RPS6KB1: variants seen among roughly 807,000 people sequenced by gnomAD.
The protein encoded by RPS6KB1 is ribosomal protein S6 kinase B1.
A neutral mutation model predicts 70.2 loss-of-function variants in RPS6KB1; 12 were observed. The ratio of observed to expected loss-of-function variants is 0.17; its 90% CI spans 0.11 to 0.28. The LOEUF is 0.28. Ranked by LOEUF, RPS6KB1 falls within the 10% of genes least tolerant of loss-of-function variation. The pLI, the probability that RPS6KB1 is intolerant of heterozygous loss-of-function variation, is 1.00. For synonymous variants in RPS6KB1, 175 were observed against 211.2 expected, an observed-to-expected ratio of 0.83 and a Z score of 1.49; for missense variants, 270 against 646.6, an observed-to-expected ratio of 0.42 and a Z score of 6.32.
At chr17:59,927,177 G>A (rs920374979) in intron 5 of RPS6KB1, among the ~76,000 whole-genome samples, 2 of 151,982 alleles carry the variant, frequency 1.3e-5, no homozygotes, top group Non-Finnish European at 2.9e-5. Context: ...CTGCCTCCTG[G>A]AGTTCAAGCG....
chr17:59,944,430 A>C (rs747334481), intron 13 of RPS6KB1, among the ~76,000 whole-genome samples: 4 of 152,168 alleles, frequency 2.6e-5, no homozygotes, highest in Non-Finnish European at 4.4e-5. Flanking sequence ...AAAACACCAA[A>C]TTCTAGCTGG....
At chr17:59,903,899 T>A (rs1419254418) in intron 1 of RPS6KB1, among the ~76,000 whole-genome samples, 1 of 151,976 alleles carries the variant, frequency 6.6e-6, no homozygotes, top group Non-Finnish European at 1.5e-5. Context: ...TGTGTCATCT[T>A]TTTCTTTATA....
rs1428952819 is a variant in RPS6KB1, at chr17:59,950,549, C to G, written c.*3761C>G. The G allele has an allele frequency of 1.3e-5, 2 of 151,922 alleles. No homozygotes were observed. Among genetic ancestry groups the G allele is most frequent in the East Asian group, 3.9e-4 (2 of 5,190 alleles). 9.4% of individuals were successfully genotyped at this position (151,922 alleles called of 1,614,324 possible). ...GTGTTCAAGTTGTCATATAAATAAA[C>G]TATGTATGTAAGGAATGGGTTAAAA... On this transcript the variant is annotated 3_prime_UTR_variant, in exon 15 of 15. Transcript: ENST00000225577.
rs148414712 is a variant in RPS6KB1 at position 59,917,443 on chromosome 17, T to A, written c.381+2740T>A. On this transcript the variant is annotated intron_variant, in intron 4 of 14. Coordinates refer to ENST00000225577, the MANE Select transcript of RPS6KB1 (RefSeq NM_003161.4). The stretch of plus-strand genomic sequence containing the variant: ...GCCTATTTAATTAAATTAATTAATT[T>A]ATTTATTTTTAAGAGACAGGGTCTC... Among the ~76,000 whole-genome samples, 723 of 151,996 alleles carry A rather than the reference T, an allele frequency of 4.8e-3. 3 individuals are homozygous for A. The highest frequency in any genetic ancestry group is 0.015 in the East Asian group (77 of 5,178).
chr17:59,930,063 T>G lies in RPS6KB1; in HGVS notation c.530-54T>G, dbSNP rs1446451403. On this transcript the variant is annotated intron_variant, in intron 5 of 14. Transcript: ENST00000225577. The stretch of plus-strand genomic sequence containing the variant: ...AAAGCACAAACTCTCTCATTAGAAG[T>G]GGGTTGGAAATAAATATTGTTTTAT... The G allele has an allele frequency of 7.7e-6, 7 of 913,388 alleles. No individual in the cohort carries two copies. In the Admixed American group the frequency reaches 1.2e-4, roughly 16 times the overall value. 56.6% of individuals were successfully genotyped at this position (913,388 alleles called of 1,614,324 possible). A position where few individuals can be genotyped will look rare whatever the true frequency, so the allele number is the denominator to read the frequency against.
chr17:59,903,097 A>G (rs1420292938), intron 1 of RPS6KB1, among the ~76,000 whole-genome samples: 4 of 151,992 alleles, frequency 2.6e-5, no homozygotes, highest in African/African-American at 9.7e-5. Context: ...CATGAAGTCA[A>G]GAGTTTAAGA....
chr17:59,912,686 G>A lies in RPS6KB1; in HGVS notation c.194G>A (p.Gly65Asp), dbSNP rs2144793474. The A allele has an allele frequency of 6.2e-7, 1 of 1,612,270 alleles. No homozygotes were observed. The highest frequency in any genetic ancestry group is 8.5e-7 in the Non-Finnish European group (1 of 1,178,884). ...DHGGVGPYELGMEHCEKFEIS... is the reference protein window; with the variant it reads ...DHGGVGPYELDMEHCEKFEIS... ...TTTGGTTTTGCTTTTCTTCCCAGTGGCATGGAACATTGTGAGAAATTTGAA... is the reference window on the plus strand; with the variant it reads ...TTTGGTTTTGCTTTTCTTCCCAGTGACATGGAACATTGTGAGAAATTTGAA... Residue 65 changes from glycine (G) to aspartate (D), a missense_variant and splice_region_variant, in exon 3 of 15, where the codon GGC becomes GAC. By Grantham distance (94) the Gly-to-Asp change is moderately conservative. Coordinates refer to ENST00000225577, the MANE Select transcript of RPS6KB1 (RefSeq NM_003161.4).
intron 1 of RPS6KB1, among the ~76,000 whole-genome samples, chr17:59,902,668 C>T: frequency 6.6e-6 from 1 of 151,874 alleles, no homozygotes; most frequent in East Asian, 1.9e-4. Context: ...CTTCACCCTC[C>T]TGGGCTGAAG....
At position 59,945,414 on chromosome 17, in the gene RPS6KB1, A is replaced by G. The variant is rs1231075240; in HGVS notation, c.1236A>G (p.Thr412=). The part of the protein sequence containing the change: ...ESANQVFLGF[T]YVAPSVLESV... ...CTGTTACTGTCTTTCAGGGTTTTACATATGTGGCTCCATCTGTACTTGAAA... is the reference window on the plus strand; with the variant it reads ...CTGTTACTGTCTTTCAGGGTTTTACGTATGTGGCTCCATCTGTACTTGAAA... The change falls in exon 14 of 15, where the codon ACA becomes ACG. Residue 412 remains threonine, a synonymous_variant. Transcript: ENST00000225577. The G allele has an allele frequency of 3.1e-6, 5 of 1,587,816 alleles. No individual in the cohort carries two copies. The highest frequency in any genetic ancestry group is 4.3e-6 in the Non-Finnish European group (5 of 1,157,042).
At chr17:59,898,542 C>T (rs2041705438) in intron 1 of RPS6KB1, among the ~76,000 whole-genome samples, 1 of 151,896 alleles carries the variant, frequency 6.6e-6, no homozygotes, top group Non-Finnish European at 1.5e-5. Context: ...CAACCTCTGC[C>T]TCCTGGGTTC....
At chr17:59,897,964 CA>C (rs1469872753) in intron 1 of RPS6KB1, among the ~76,000 whole-genome samples, 1,570 of 76,236 alleles carry the variant, frequency 0.021, 14 homozygotes, top group Non-Finnish European at 0.023. Flanking sequence ...GATTCCGTCT[CA>C]AAAAAAAAAA....
At position 59,946,969 on chromosome 17, in the gene RPS6KB1, A is replaced by C. The variant is rs1295471531; in HGVS notation, c.*181A>C. 5 of 1,432,482 alleles carry C rather than the reference A, an allele frequency of 3.5e-6. No individual in the cohort carries two copies. The highest frequency in any genetic ancestry group is 4.6e-6 in the Non-Finnish European group (5 of 1,096,348). The allele number at this position is 1,432,482 out of a possible 1,614,324, so 88.7% of individuals were successfully genotyped here. A position where few individuals can be genotyped will look rare whatever the true frequency, so the allele number is the denominator to read the frequency against. On this transcript the variant is annotated 3_prime_UTR_variant, in exon 15 of 15. Coordinates refer to ENST00000225577, the MANE Select transcript of RPS6KB1 (RefSeq NM_003161.4). The surrounding 1 kb of genome is among the most constrained non-coding windows in gnomAD (Gnocchi z 4.2). ...AAAATCAATCAATGGTGCAAAAAAAAACTTAAAGCAAAATAGTATTGCTGA... is the reference window on the plus strand; with the variant it reads ...AAAATCAATCAATGGTGCAAAAAAACACTTAAAGCAAAATAGTATTGCTGA...
At chr17:59,907,583 G>T (rs1236115105) in intron 1 of RPS6KB1, among the ~76,000 whole-genome samples, 1 of 150,990 alleles carries the variant, frequency 6.6e-6, no homozygotes, top group African/African-American at 2.4e-5. Flanking sequence ...TGTTGCCCAG[G>T]CTGGAATATA....
At chr17:59,929,477 G>A (rs546333891) in intron 5 of RPS6KB1, among the ~76,000 whole-genome samples, 4 of 152,222 alleles carry the variant, frequency 2.6e-5, no homozygotes, top group African/African-American at 4.8e-5. Flanking sequence ...TTCTTATTCC[G>A]TCACGTCTTC....
chr17:59,893,125 T>A lies in RPS6KB1; in HGVS notation c.-60T>A. The A allele has an allele frequency of 6.3e-7, 1 of 1,581,554 alleles. No individual in the cohort carries two copies. Among genetic ancestry groups the A allele is most frequent in the Non-Finnish European group, 8.6e-7 (1 of 1,164,252 alleles). On this transcript the variant is annotated 5_prime_UTR_variant, in exon 1 of 15. Transcript: ENST00000225577. This position sits in a 1 kb window ranked among gnomAD's most constrained non-coding sequence, Gnocchi z 4.1. ...GTCTAAGGCCTAGGCGCAGACGCAC[T>A]GAGCCTAAGCAGCCGGTGATGGCGG...
At chr17:59,926,375 T>C (rs1178098660) in intron 4 of RPS6KB1, 60 bp from the exon 5 acceptor site, 19 of 1,222,596 alleles carry the variant, frequency 1.6e-5, no homozygotes, top group Non-Finnish European at 2.2e-5. Context: ...TAGAATAAAA[T>C]AGATTATAGA....
intron 1 of RPS6KB1, among the ~76,000 whole-genome samples, chr17:59,895,054 T>C (rs2041451551): frequency 6.6e-6 from 1 of 152,046 alleles, no homozygotes; most frequent in Non-Finnish European, 1.5e-5. Flanking sequence ...ACAGTCTTGC[T>C]CTGTCACCCA....
chr17:59,929,206 C>T (rs2043798293), intron 5 of RPS6KB1, among the ~76,000 whole-genome samples: 1 of 151,852 alleles, frequency 6.6e-6, no homozygotes, highest in Non-Finnish European at 1.5e-5. Context: ...TCTCAGCTCA[C>T]TGCAACCTCC....
rs1198997230 is a variant in RPS6KB1, at chr17:59,924,843, T to TTTA, written c.382-1590_382-1589insATT. Among the ~76,000 whole-genome samples the TTTA allele has an allele frequency of 6.1e-3, 919 of 149,752 alleles. 8 individuals carry two copies. The highest frequency in any genetic ancestry group is 0.024 in the Middle Eastern group (7 of 294). ...TATTTATTTATTTATTTATTTATTTTTTTGAGACGGAGTCTCACTTTGTCA... is the reference window on the plus strand; with the variant it reads ...TATTTATTTATTTATTTATTTATTTTTTATTTGAGACGGAGTCTCACTTTGTCA... On this transcript the variant is annotated intron_variant, in intron 4 of 14. Coordinates refer to ENST00000225577, the MANE Select transcript of RPS6KB1 (RefSeq NM_003161.4).
Sources: allele counts gnomAD v4.1 joint callset (sites outside exome capture counted in the v4.1 genomes callset), GRCh38; gene constraint gnomAD v4.1.1; non-coding constraint Gnocchi (gnomAD v3.1); transcripts MANE v1.5; gene names NCBI Gene and HGNC (gene_info 2026-07-23, HGNC 2026-07-21).